The following DUSP29 variants were observed in gnomAD, a reference collection of about 807,000 sequenced individuals.
DUSP29 encodes atypical dual-specific protein phosphatase.
In DUSP29, 12 loss-of-function variants were observed where a neutral mutation model predicts 13.5. That is an observed-to-expected ratio of 0.89 (90% confidence interval 0.57 to 1.44). The LOEUF (loss-of-function observed/expected upper bound fraction) is 1.44, where lower values mean the gene tolerates loss of function less well. Ranked by LOEUF, DUSP29 falls within the 40% of genes most tolerant of loss-of-function variation. The pLI, the probability that DUSP29 is intolerant of heterozygous loss-of-function variation, is 0.00. For synonymous variants in DUSP29, 134 were observed against 128.7 expected (o/e 1.04, Z -0.28); for missense variants, 308 against 301.1 (o/e 1.02, Z -0.17).
intron 1 of DUSP29, among the ~76,000 whole-genome samples, chr10:75,061,748 G>A (rs932669078): frequency 2.6e-5 from 4 of 152,290 alleles, no homozygotes; most frequent in East Asian, 3.9e-4. Context: ...ACCTTGCTTC[G>A]GGGCTCCTGA....
intron 2 of DUSP29, among the ~76,000 whole-genome samples, chr10:75,054,811 C>T (rs149514904): frequency 1.1e-3 from 172 of 152,088 alleles, no homozygotes; most frequent in African/African-American, 3.6e-3. Context: ...ATAGGGAAAC[C>T]GAGACTTCTC....
At chr10:75,066,171 A>G (rs1847196523) in intron 1 of DUSP29, among the ~76,000 whole-genome samples, 1 of 152,200 alleles carries the variant, frequency 6.6e-6, no homozygotes, top group African/African-American at 2.4e-5. Context: ...AAGGAGTATG[A>G]GGGGGCCCTG....
At position 75,065,045 on chromosome 10, in the gene DUSP29, G is replaced by C. The variant is rs192950842; in HGVS notation, c.-34-6497C>G. ...TCACTTGCTCCTGGGGCCTGGCACTGTCACTGGCCCCAGCAATCACTGAAG... is the reference window on the plus strand; with the variant it reads ...TCACTTGCTCCTGGGGCCTGGCACTCTCACTGGCCCCAGCAATCACTGAAG... On this transcript the variant is annotated intron_variant, in intron 1 of 3. Transcript: ENST00000338487. Among the ~76,000 whole-genome samples the C allele has an allele frequency of 4.7e-3, 719 of 152,276 alleles. 6 individuals carry two copies. The highest frequency in any genetic ancestry group is 0.015 in the African/African-American group (642 of 41,556).
intron 1 of DUSP29, among the ~76,000 whole-genome samples, chr10:75,070,620 T>C (rs1847308966): frequency 6.6e-6 from 1 of 152,118 alleles, no homozygotes; most frequent in Non-Finnish European, 1.5e-5. Flanking sequence ...CTGGGAGTTG[T>C]GTTCCCAACC....
At chr10:75,041,716 C>A (rs948103976) in intron 3 of DUSP29, among the ~76,000 whole-genome samples, 1 of 152,198 alleles carries the variant, frequency 6.6e-6, no homozygotes, top group African/African-American at 2.4e-5. Flanking sequence ...GGTCGAGTCC[C>A]GGCACCCCCA....
chr10:75,071,212 C>G (rs1847321654), intron 1 of DUSP29, among the ~76,000 whole-genome samples: 1 of 152,248 alleles, frequency 6.6e-6, no homozygotes, highest in African/African-American at 2.4e-5. Flanking sequence ...TGAAATGGGG[C>G]TGTGCTGTCC....
intron 1 of DUSP29, among the ~76,000 whole-genome samples, chr10:75,070,263 C>T (rs1288225597): frequency 6.6e-6 from 1 of 152,148 alleles, no homozygotes; most frequent in Non-Finnish European, 1.5e-5. Context: ...CTCAACCCAA[C>T]AGCCCCACAT....
intron 1 of DUSP29, among the ~76,000 whole-genome samples, chr10:75,072,674 G>A (rs187435496): frequency 1.2e-4 from 18 of 152,192 alleles, no homozygotes; most frequent in Non-Finnish European, 2.5e-4. Flanking sequence ...GGACCCTCAG[G>A]TGCTGGCGGC....
intron 2 of DUSP29, among the ~76,000 whole-genome samples, chr10:75,050,775 TGAA>T (rs1334049198): frequency 6.6e-6 from 1 of 152,216 alleles, no homozygotes; most frequent in Non-Finnish European, 1.5e-5. Flanking sequence ...ACACCTTGTG[TGAA>T]GAAGACTTCC....
intron 1 of DUSP29, among the ~76,000 whole-genome samples, chr10:75,064,764 T>G (rs981684629): frequency 5.9e-5 from 9 of 152,086 alleles, no homozygotes; most frequent in Middle Eastern, 3.2e-3. Context: ...GACACCATTA[T>G]TTTACTTTAT....
Position 75,057,102 on chromosome 10 carries a change from C to G in DUSP29, c.200+1213G>C, listed in dbSNP as rs568384627. On this transcript the variant is annotated intron_variant, in intron 2 of 3. Transcript: ENST00000338487. Reference sequence around the variant, plus strand: ...ACCAGCCTGGCCAACATGGTGAAACCCTGTTTCTACTAAAAATAAAAAATT... The same window carrying G: ...ACCAGCCTGGCCAACATGGTGAAACGCTGTTTCTACTAAAAATAAAAAATT... Among the ~76,000 whole-genome samples the G allele has an allele frequency of 3.3e-5, 5 of 151,932 alleles. 1 individual carries two copies. The South Asian group carries it at 1.0e-3, about 32-fold the overall frequency.
At chr10:75,038,792 T>A (rs188951000) in intron 3 of DUSP29, among the ~76,000 whole-genome samples, 19 of 152,138 alleles carry the variant, frequency 1.2e-4, no homozygotes, top group African/African-American at 4.6e-4. Flanking sequence ...TAAGCTCTGG[T>A]AGGAGTTCCA....
chr10:75,055,936 C>T (rs1846949461), intron 2 of DUSP29, among the ~76,000 whole-genome samples: 2 of 152,054 alleles, frequency 1.3e-5, no homozygotes, highest in Admixed American at 1.3e-4. Flanking sequence ...TGGAGACAAA[C>T]TGTTGCTCTA....
chr10:75,062,515 C>T (rs780131286), intron 1 of DUSP29, among the ~76,000 whole-genome samples: 12 of 152,182 alleles, frequency 7.9e-5, no homozygotes, highest in Admixed American at 2.0e-4. Context: ...GGAAGTGGTG[C>T]GGTCTACCCC....
At chr10:75,041,443 G>A (rs2134280609) in intron 3 of DUSP29, among the ~76,000 whole-genome samples, 2 of 152,296 alleles carry the variant, frequency 1.3e-5, no homozygotes, top group East Asian at 1.9e-4. Context: ...ACTCTCACAA[G>A]ACAAGCATTA....
chr10:75,046,739 T>C (rs529860669), intron 2 of DUSP29, among the ~76,000 whole-genome samples: 1 of 152,352 alleles, frequency 6.6e-6, no homozygotes, highest in East Asian at 1.9e-4. Flanking sequence ...GGTCTGCTTT[T>C]CATTTTTCGT....
rs781324787 is a variant in DUSP29 at position 75,058,324 on chromosome 10, A to G, written c.191T>C (p.Ile64Thr). ...GGGCCTGGGCACTTACTCATCGCCAATGTAGAGCTTGGGCCAGACCTCGTT... is the reference window on the plus strand; with the variant it reads ...GGGCCTGGGCACTTACTCATCGCCAGTGTAGAGCTTGGGCCAGACCTCGTT... ...HVNEVWPKLY[I>T]GDEATALDRY... Residue 64 changes from isoleucine (I) to threonine (T), a missense_variant, in exon 2 of 4, where the codon ATT becomes ACT. Transcript: ENST00000338487. The G allele has an allele frequency of 6.0e-5, 97 of 1,613,454 alleles. No individual in the cohort carries two copies. The highest frequency in any genetic ancestry group is 2.7e-4 in the Admixed American group (16 of 60,000).
In DUSP29 at chr10:75,058,298, T is replaced by C; in HGVS notation, c.200+17A>G. The C allele has an allele frequency of 2.5e-6, 4 of 1,602,430 alleles. 1 individual carries two copies. In the South Asian group the frequency reaches 4.4e-5, roughly 18 times the overall value. ...GCTGCTGCCTGCTCCCAAGCGAGCC[T>C]GGGCCTGGGCACTTACTCATCGCCA... On this transcript the variant is annotated intron_variant, in intron 2 of 3. Transcript: ENST00000338487.
At chr10:75,050,205 A>G (rs554433747) in intron 2 of DUSP29, among the ~76,000 whole-genome samples, 1 of 152,350 alleles carries the variant, frequency 6.6e-6, no homozygotes, top group East Asian at 1.9e-4. Context: ...AGGGAAAAAA[A>G]GGACTGAAAA....
Sources: gnomAD v4.1 joint callset for allele counts (sites outside exome capture counted in the v4.1 genomes callset) on GRCh38, gnomAD v4.1.1 for gene constraint, MANE v1.5 for transcripts, NCBI Gene and HGNC (gene_info 2026-07-23, HGNC 2026-07-21) for gene names.